Variants in OXR1 observed in about 807,000 individuals in gnomAD.
The protein encoded by OXR1 is oxidation resistance protein 1.
In OXR1, 41 loss-of-function variants were observed where a neutral mutation model predicts 104.6. The observed-to-expected ratio is 0.39, with a 90% confidence interval of 0.31 to 0.51. The LOEUF (loss-of-function observed/expected upper bound fraction) is 0.51. Ranked by LOEUF, OXR1 falls within the 20% of genes least tolerant of loss-of-function variation. The pLI is 0.77. For missense variants in OXR1, 955 were observed against 1,031.9 expected (o/e 0.93, Z 1.02); for synonymous variants, 348 against 348.4 (o/e 1.00, Z 0.01).
intron 2 of OXR1, among the ~76,000 whole-genome samples, chr8:106,370,820 C>G (rs754049461): frequency 3.9e-5 from 6 of 152,086 alleles, no homozygotes; most frequent in Non-Finnish European, 5.9e-5. Context: ...TGAGAATTTT[C>G]CCATCCATGT....
intron 1 of OXR1, among the ~76,000 whole-genome samples, chr8:106,337,991 T>A (rs550218718): frequency 5.9e-5 from 9 of 152,200 alleles, no homozygotes; most frequent in Non-Finnish European, 1.2e-4. Flanking sequence ...GAGCATTCAT[T>A]GTTCCGGTTA....
chr8:106,613,788 C>G (rs1282317157), intron 3 of OXR1, among the ~76,000 whole-genome samples: 3 of 152,250 alleles, frequency 2.0e-5, no homozygotes, highest in Admixed American at 6.5e-5. Context: ...CACCTACTCT[C>G]TTCCCCTGAA....
intron 2 of OXR1, among the ~76,000 whole-genome samples, chr8:106,363,957 A>G (rs1018128482): frequency 6.6e-6 from 1 of 151,982 alleles, no homozygotes; most frequent in Non-Finnish European, 1.5e-5. Context: ...TCAGTTTTAG[A>G]AAAGGGTCCA....
intron 2 of OXR1, among the ~76,000 whole-genome samples, chr8:106,372,481 C>T (rs1816751427): frequency 6.6e-6 from 1 of 151,952 alleles, no homozygotes; most frequent in Non-Finnish European, 1.5e-5. Context: ...CCCTATGATA[C>T]ATGTTAAGCA....
intron 2 of OXR1, among the ~76,000 whole-genome samples, chr8:106,428,441 A>C (rs1342688868): frequency 6.6e-6 from 1 of 152,150 alleles, no homozygotes; most frequent in Non-Finnish European, 1.5e-5. Flanking sequence ...CTGGGAGTTT[A>C]AGTATTTCCC....
At chr8:106,425,361 G>C (rs1819072909) in intron 2 of OXR1, among the ~76,000 whole-genome samples, 1 of 152,044 alleles carries the variant, frequency 6.6e-6, no homozygotes, top group African/African-American at 2.4e-5. Flanking sequence ...AATGTGCCCA[G>C]TGGTAAAACT....
chr8:106,284,281 G>C (rs993328255), intron 1 of OXR1, among the ~76,000 whole-genome samples: 1 of 151,964 alleles, frequency 6.6e-6, no homozygotes, highest in East Asian at 2.0e-4. Context: ...TGGAGCTGGC[G>C]GCAGGAGTAG....
intron 3 of OXR1, among the ~76,000 whole-genome samples, chr8:106,596,742 G>A (rs113913010): frequency 6.6e-6 from 1 of 152,018 alleles, no homozygotes; most frequent in Non-Finnish European, 1.5e-5. Flanking sequence ...AGTAGTATAC[G>A]TTAAATGGTA....
At chr8:106,598,848 A>G (rs1322074805) in intron 3 of OXR1, among the ~76,000 whole-genome samples, 1 of 152,072 alleles carries the variant, frequency 6.6e-6, no homozygotes, top group Non-Finnish European at 1.5e-5. Flanking sequence ...TTTGCCTCAG[A>G]AAAAAAATAA....
chr8:106,416,083 G>A (rs961278717), intron 2 of OXR1, among the ~76,000 whole-genome samples: 2 of 152,114 alleles, frequency 1.3e-5, no homozygotes, highest in Non-Finnish European at 2.9e-5. Flanking sequence ...AGTGTTATTG[G>A]TGTAGGTAAA....
At chr8:106,650,656 C>T (rs142617944) in intron 3 of OXR1, among the ~76,000 whole-genome samples, 1 of 152,158 alleles carries the variant, frequency 6.6e-6, no homozygotes, top group Non-Finnish European at 1.5e-5. Flanking sequence ...AATTAAGGCT[C>T]TCTCTCATCA....
chr8:106,628,176 C>A (rs1822334813), intron 3 of OXR1, among the ~76,000 whole-genome samples: 1 of 152,094 alleles, frequency 6.6e-6, no homozygotes, highest in Non-Finnish European at 1.5e-5. Context: ...CCTAGAACCT[C>A]CTGTTTTCTG....
intron 1 of OXR1, among the ~76,000 whole-genome samples, chr8:106,321,696 A>G (rs1039530693): frequency 6.6e-6 from 1 of 152,220 alleles, no homozygotes; most frequent in Non-Finnish European, 1.5e-5. Context: ...CCCAAAGTGC[A>G]TTCTGACTGA....
At chr8:106,566,818 C>A (rs1817110241) in intron 3 of OXR1, among the ~76,000 whole-genome samples, 1 of 151,892 alleles carries the variant, frequency 6.6e-6, no homozygotes, top group African/African-American at 2.4e-5. Context: ...ATGTCCTTTG[C>A]AGGGCTTGAA....
intron 2 of OXR1, among the ~76,000 whole-genome samples, chr8:106,470,020 T>C (rs1245473479): frequency 1.3e-5 from 2 of 151,738 alleles, no homozygotes; most frequent in African/African-American, 4.8e-5. Flanking sequence ...AGGAATATAC[T>C]TGATCAGTTT....
intron 7 of OXR1, among the ~76,000 whole-genome samples, chr8:106,702,254 C>G (rs561311182): frequency 6.6e-6 from 1 of 152,186 alleles, no homozygotes; most frequent in Non-Finnish European, 1.5e-5. Flanking sequence ...GCCACCGTGC[C>G]TGCCCTGTAT....
chr8:106,407,993 T>C (rs1307849465), intron 2 of OXR1, among the ~76,000 whole-genome samples: 1 of 152,142 alleles, frequency 6.6e-6, no homozygotes, highest in East Asian at 1.9e-4. Context: ...GTGCTTTTGC[T>C]CTCTAGGAGA....
intron 2 of OXR1, among the ~76,000 whole-genome samples, chr8:106,410,860 G>A: frequency 6.6e-6 from 1 of 152,094 alleles, no homozygotes; most frequent in Non-Finnish European, 1.5e-5. Flanking sequence ...ATCTGTTTCT[G>A]TTGCATCTAT....
At chr8:106,594,128 C>A (rs1307288159) in intron 3 of OXR1, among the ~76,000 whole-genome samples, 1 of 152,066 alleles carries the variant, frequency 6.6e-6, no homozygotes, top group Non-Finnish European at 1.5e-5. Flanking sequence ...ATATTTTCAG[C>A]AAAGGTCACA....
Sources: allele counts gnomAD v4.1 joint callset (sites outside exome capture counted in the v4.1 genomes callset), GRCh38; gene constraint gnomAD v4.1.1; transcripts MANE v1.5; gene names NCBI Gene and HGNC (gene_info 2026-07-23, HGNC 2026-07-21).